ISG15: variants seen among roughly 807,000 people sequenced by gnomAD.
ISG15 encodes the protein ISG15 ubiquitin like modifier, also known as ubiquitin-like protein ISG15.
A neutral mutation model predicts 2.4 loss-of-function variants in ISG15; 2 were observed. The observed-to-expected ratio is 0.82, with a 90% confidence interval of 0.33 to 2.57. ISG15 has a LOEUF of 2.57. ISG15 is among the 30% of genes most tolerant of loss of function. The pLI is 0.11. For synonymous variants in ISG15, 116 were observed against 108.1 expected (o/e 1.07, Z -0.45); for missense variants, 224 against 228.4 (o/e 0.98, Z 0.13).
chr1:1,014,082 G>C lies in ISG15; in HGVS notation c.102G>C (p.Gln34His), dbSNP rs760267370. 6.2e-7 allele frequency: 1 copy of C among 1,613,226 alleles called. No individual in the cohort carries two copies. Among genetic ancestry groups the C allele is most frequent in the Non-Finnish European group, 8.5e-7 (1 of 1,179,700 alleles). Residue 34 changes from glutamine (Q) to histidine (H), a missense_variant, in exon 2 of 2, where the codon CAG becomes CAC. Gln to His is a conservative substitution (Grantham distance 24, BLOSUM62 0). Transcript: ENST00000649529. ...CAGAGCTGAAGGCGCAGATCACCCA[G>C]AAGATCGGCGTGCACGCCTTCCAGC... ...SVSELKAQIT[Q>H]KIGVHAFQQR...
In ISG15 at chr1:1,013,855, G is replaced by A. The variant is rs2465124; in HGVS notation, c.4-129G>A. The A allele has an allele frequency of 0.95, 1,230,817 of 1,297,970 alleles. 585,724 individuals carry two copies. The highest frequency in any genetic ancestry group is 1 in the East Asian group (42,671 of 42,676). The allele number at this position is 1,297,970 out of a possible 1,614,324, so 80.4% of individuals were successfully genotyped here. On this transcript the variant is annotated intron_variant, in intron 1 of 1. Transcript: ENST00000649529. ...CCTTCTGTGCCTGGGGTCCCTGCCG[G>A]CGGGATGTAGAGGACAGACAGGAGG...
chr1:1,014,274 A>G lies in ISG15; in HGVS notation c.294A>G (p.Val98=), dbSNP rs8997. The G allele has an allele frequency of 0.93, 1,501,704 of 1,613,596 alleles. 704,736 individuals carry two copies. The highest frequency in any genetic ancestry group is 0.95 in the Non-Finnish European group (1,124,933 of 1,179,996). Residue 98 remains valine (V), a synonymous_variant, in exon 2 of 2, where the codon GTA becomes GTG. Coordinates refer to ENST00000649529, the MANE Select transcript of ISG15 (RefSeq NM_005101.4). ...NNKGRSSTYE[V]RLTQTVAHLK... Reference sequence around the variant, plus strand: ...AGGGCCGCAGCAGCACCTACGAGGTACGGCTGACGCAGACCGTGGCCCACC... The same window carrying G: ...AGGGCCGCAGCAGCACCTACGAGGTGCGGCTGACGCAGACCGTGGCCCACC...
chr1:1,014,197 C>G lies in ISG15; in HGVS notation c.217C>G (p.Leu73Val). ...QGLGPGSTVL[L>V]VVDKCDEPLS... ...CCTGGGCCCCGGCAGCACGGTCCTGCTGGTGGTGGACAAATGCGACGAACC... is the reference window on the plus strand; with the variant it reads ...CCTGGGCCCCGGCAGCACGGTCCTGGTGGTGGTGGACAAATGCGACGAACC... Residue 73 changes from leucine (L) to valine (V), a missense_variant, in exon 2 of 2, where the codon CTG (leucine) becomes GTG (valine). Leu to Val is a conservative substitution (Grantham distance 32, BLOSUM62 1). Coordinates refer to ENST00000649529, the MANE Select transcript of ISG15 (RefSeq NM_005101.4). 6.2e-7 allele frequency: 1 copy of G among 1,613,496 alleles called. No homozygotes were observed. Among genetic ancestry groups the G allele is most frequent in the Non-Finnish European group, 8.5e-7 (1 of 1,179,954 alleles).
Position 1,014,290 on chromosome 1 carries a change from G to C in ISG15, c.310G>C (p.Val104Leu), listed in dbSNP as rs147776968. ...CTACGAGGTACGGCTGACGCAGACC[G>C]TGGCCCACCTGAAGCAGCAAGTGAG... ...STYEVRLTQT[V>L]AHLKQQVSGL... The change falls in exon 2 of 2, where the codon GTG becomes CTG. Residue 104 changes from valine (V) to leucine (L), a missense_variant. Transcript: ENST00000649529. 3 of 1,613,634 alleles carry C rather than the reference G, an allele frequency of 1.9e-6. No homozygotes were observed. The highest frequency in any genetic ancestry group is 2.5e-6 in the Non-Finnish European group (3 of 1,180,002).
chr1:1,014,096 A>T lies in ISG15; in HGVS notation c.116A>T (p.His39Leu). Residue 39 changes from histidine to leucine, a missense_variant, in exon 2 of 2, where the codon CAC becomes CTC. By Grantham distance (99) the His-to-Leu change is moderately conservative. Coordinates refer to ENST00000649529, the MANE Select transcript of ISG15 (RefSeq NM_005101.4). ...KAQITQKIGV[H>L]AFQQRLAVHP... ...CAGATCACCCAGAAGATCGGCGTGCACGCCTTCCAGCAGCGTCTGGCTGTC... is the reference window on the plus strand; with the variant it reads ...CAGATCACCCAGAAGATCGGCGTGCTCGCCTTCCAGCAGCGTCTGGCTGTC... The T allele has an allele frequency of 6.2e-7, 1 of 1,613,224 alleles. No individual in the cohort carries two copies. Among genetic ancestry groups the T allele is most frequent in the Non-Finnish European group, 8.5e-7 (1 of 1,179,742 alleles).
rs773186874 is a variant in ISG15 at position 1,014,523 on chromosome 1, G to C, written c.*45G>C. ...AGCAGGATCAAGGGCCGGAAATAAAGGCTGTTGTAAAGAGAAATGGCCGCC... is the reference window on the plus strand; with the variant it reads ...AGCAGGATCAAGGGCCGGAAATAAACGCTGTTGTAAAGAGAAATGGCCGCC... On this transcript the variant is annotated 3_prime_UTR_variant, in exon 2 of 2. Coordinates refer to ENST00000649529, the MANE Select transcript of ISG15 (RefSeq NM_005101.4). 6.4e-7 allele frequency: 1 copy of C among 1,550,482 alleles called. No homozygotes were observed. The highest frequency in any genetic ancestry group is 1.9e-5 in the Admixed American group (1 of 53,652).
rs1049305310 is a variant in ISG15 at position 1,013,569 on chromosome 1, C to T, written c.-5C>T. On this transcript the variant is annotated 5_prime_UTR_variant, in exon 1 of 2. Transcript: ENST00000649529. ...GCCGTGGCCCACAGCCCACAGCCCACAGCCATGGTAAGGCAGATGTCACAG... is the reference window on the plus strand; with the variant it reads ...GCCGTGGCCCACAGCCCACAGCCCATAGCCATGGTAAGGCAGATGTCACAG... 8 of 1,613,350 alleles carry T rather than the reference C, an allele frequency of 5.0e-6. No individual in the cohort carries two copies. Among genetic ancestry groups the T allele is most frequent in the South Asian group, 1.1e-5 (1 of 91,074 alleles).
Position 1,014,221 on chromosome 1 carries a change from C to T in ISG15, c.241C>T (p.Pro81Ser). The change falls in exon 2 of 2, where the codon CCT (proline) becomes TCT (serine). Residue 81 changes from proline to serine, a missense_variant. Coordinates refer to ENST00000649529, the MANE Select transcript of ISG15 (RefSeq NM_005101.4). ...VLLVVDKCDE[P>S]LSILVRNNKG... The stretch of plus-strand genomic sequence containing the variant: ...GCTGGTGGTGGACAAATGCGACGAA[C>T]CTCTGAGCATCCTGGTGAGGAATAA... The T allele has an allele frequency of 6.2e-7, 1 of 1,613,604 alleles. No homozygotes were observed. Among genetic ancestry groups the T allele is most frequent in the Non-Finnish European group, 8.5e-7 (1 of 1,179,988 alleles).
chr1:1,013,925 TTGTG>T, intron 1 of ISG15, 55 bp from the exon 2 acceptor site: 1 of 1,539,398 alleles, frequency 6.5e-7, no homozygotes, highest in South Asian at 1.2e-5. Flanking sequence ...AGCCAGTGCC[TTGTG>T]TGTGGTGGGC....
At position 1,014,343 on chromosome 1, in the gene ISG15, G is replaced by A. The variant is rs934874303; in HGVS notation, c.363G>A (p.Leu121=). 2 of 1,613,654 alleles carry A rather than the reference G, an allele frequency of 1.2e-6. No homozygotes were observed. Among genetic ancestry groups the A allele is most frequent in the East Asian group, 4.5e-5 (2 of 44,888 alleles). The change falls in exon 2 of 2, where the codon CTG becomes CTA. Residue 121 remains leucine, a synonymous_variant. Transcript: ENST00000649529. The part of the protein sequence containing the change: ...VSGLEGVQDD[L]FWLTFEGKPL... ...GGCTGGAGGGTGTGCAGGACGACCT[G>A]TTCTGGCTGACCTTCGAGGGGAAGC...
rs1002915990 is a variant in ISG15, at chr1:1,014,411, C to T, written c.431C>T (p.Pro144Leu). 5 of 1,612,918 alleles carry T rather than the reference C, an allele frequency of 3.1e-6. No homozygotes were observed. The African/African-American group carries it at 4.0e-5, about 13-fold the overall frequency. The change falls in exon 2 of 2, where the codon CCC becomes CTC. Residue 144 changes from proline to leucine, a missense_variant. Transcript: ENST00000649529. The stretch of plus-strand genomic sequence containing the variant: ...CCGCTGGGGGAGTACGGCCTCAAGC[C>T]CCTGAGCACCGTGTTCATGAATCTG... The part of the protein sequence containing the change: ...QLPLGEYGLK[P>L]LSTVFMNLRL...
rs147776968 is a variant in ISG15, at chr1:1,014,290, G to A, written c.310G>A (p.Val104Met). The A allele has an allele frequency of 6.6e-5, 107 of 1,613,516 alleles. No individual in the cohort carries two copies. Among genetic ancestry groups the A allele is most frequent in the Non-Finnish European group, 8.1e-5 (96 of 1,180,010 alleles). The change falls in exon 2 of 2, where the codon GTG becomes ATG. Residue 104 changes from valine to methionine, a missense_variant. By Grantham distance (21) the Val-to-Met change is conservative. Transcript: ENST00000649529. ...CTACGAGGTACGGCTGACGCAGACCGTGGCCCACCTGAAGCAGCAAGTGAG... is the reference window on the plus strand; with the variant it reads ...CTACGAGGTACGGCTGACGCAGACCATGGCCCACCTGAAGCAGCAAGTGAG... The part of the protein sequence containing the change: ...STYEVRLTQT[V>M]AHLKQQVSGL...
At position 1,014,276 on chromosome 1, in the gene ISG15, G is replaced by T; in HGVS notation, c.296G>T (p.Arg99Leu). 5 of 1,613,552 alleles carry T rather than the reference G, an allele frequency of 3.1e-6. No homozygotes were observed. Among genetic ancestry groups the T allele is most frequent in the Non-Finnish European group, 4.2e-6 (5 of 1,179,948 alleles). The change falls in exon 2 of 2, where the codon CGG becomes CTG. Residue 99 changes from arginine to leucine, a missense_variant. Physicochemically the swap from Arg to Leu is moderately radical, Grantham distance 102 (BLOSUM62 -2). Transcript: ENST00000649529. Reference protein sequence around the residue: ...NKGRSSTYEVRLTQTVAHLKQ... With the variant: ...NKGRSSTYEVLLTQTVAHLKQ... Reference sequence around the variant, plus strand: ...GGCCGCAGCAGCACCTACGAGGTACGGCTGACGCAGACCGTGGCCCACCTG... The same window carrying T: ...GGCCGCAGCAGCACCTACGAGGTACTGCTGACGCAGACCGTGGCCCACCTG...
At position 1,014,294 on chromosome 1, in the gene ISG15, C is replaced by T; in HGVS notation, c.314C>T (p.Ala105Val). 6.2e-7 allele frequency: 1 copy of T among 1,613,602 alleles called. No individual in the cohort carries two copies. The highest frequency in any genetic ancestry group is 8.5e-7 in the Non-Finnish European group (1 of 1,179,960). Residue 105 changes from alanine (A) to valine (V), a missense_variant, in exon 2 of 2, where the codon GCC becomes GTC. Physicochemically the swap from Ala to Val is moderately conservative, Grantham distance 64. Coordinates refer to ENST00000649529, the MANE Select transcript of ISG15 (RefSeq NM_005101.4). ...GAGGTACGGCTGACGCAGACCGTGG[C>T]CCACCTGAAGCAGCAAGTGAGCGGG... ...TYEVRLTQTV[A>V]HLKQQVSGLE...
rs1644253293 is a variant in ISG15 at position 1,014,535 on chromosome 1, G to A, written c.*57G>A. ...GGCCGGAAATAAAGGCTGTTGTAAA[G>A]AGAAATGGCCGCCTCTGTGTCTGTG... On this transcript the variant is annotated 3_prime_UTR_variant, in exon 2 of 2. Coordinates refer to ENST00000649529, the MANE Select transcript of ISG15 (RefSeq NM_005101.4). 1.3e-6 allele frequency: 2 copies of A among 1,534,024 alleles called. No homozygotes were observed. The highest frequency in any genetic ancestry group is 1.4e-5 in the African/African-American group (1 of 72,980).
chr1:1,014,303 A>G lies in ISG15; in HGVS notation c.323A>G (p.Lys108Arg), dbSNP rs777746339. 9 of 1,613,714 alleles carry G rather than the reference A, an allele frequency of 5.6e-6. No homozygotes were observed. The highest frequency in any genetic ancestry group is 1.7e-5 in the Admixed American group (1 of 60,038). The change falls in exon 2 of 2, where the codon AAG (lysine) becomes AGG (arginine). Residue 108 changes from lysine (K) to arginine (R), a missense_variant. Coordinates refer to ENST00000649529, the MANE Select transcript of ISG15 (RefSeq NM_005101.4). The part of the protein sequence containing the change: ...VRLTQTVAHL[K>R]QQVSGLEGVQ... ...CTGACGCAGACCGTGGCCCACCTGAAGCAGCAAGTGAGCGGGCTGGAGGGT... is the reference window on the plus strand; with the variant it reads ...CTGACGCAGACCGTGGCCCACCTGAGGCAGCAAGTGAGCGGGCTGGAGGGT...
At chr1:1,013,874 C>A in intron 1 of ISG15, 110 bp from the exon 2 acceptor site, 1 of 1,399,252 alleles carries the variant, frequency 7.1e-7, no homozygotes, top group Non-Finnish European at 9.6e-7. Flanking sequence ...AGAGGACAGA[C>A]AGGAGGGAGC....
At position 1,014,238 on chromosome 1, in the gene ISG15, G is replaced by A; in HGVS notation, c.258G>A (p.Val86=). The A allele has an allele frequency of 6.2e-7, 1 of 1,613,600 alleles. No homozygotes were observed. The highest frequency in any genetic ancestry group is 1.3e-5 in the African/African-American group (1 of 75,066). The change falls in exon 2 of 2, where the codon GTG becomes GTA. Residue 86 remains valine, a synonymous_variant. Coordinates refer to ENST00000649529, the MANE Select transcript of ISG15 (RefSeq NM_005101.4). ...GCGACGAACCTCTGAGCATCCTGGT[G>A]AGGAATAACAAGGGCCGCAGCAGCA... ...DKCDEPLSIL[V]RNNKGRSSTY...
At position 1,013,499 on chromosome 1, in the gene ISG15, C is replaced by A. The variant is rs957617588; in HGVS notation, c.-75C>A. The A allele has an allele frequency of 7.4e-6, 11 of 1,489,270 alleles. No individual in the cohort carries two copies. The highest frequency in any genetic ancestry group is 1.0e-5 in the Non-Finnish European group (11 of 1,066,546). 92.3% of individuals were successfully genotyped at this position (1,489,270 alleles called of 1,614,324 possible). On this transcript the variant is annotated 5_prime_UTR_variant, in exon 1 of 2. Coordinates refer to ENST00000649529, the MANE Select transcript of ISG15 (RefSeq NM_005101.4). ...GGCCGGTGCTGCCTGCCGAAGCCGG[C>A]GGCTGAGAGGCAGCGAACTCATCTT...
Sources: gnomAD v4.1 joint callset for allele counts on GRCh38, gnomAD v4.1.1 for gene constraint, MANE v1.5 for transcripts, NCBI Gene and HGNC (gene_info 2026-07-23, HGNC 2026-07-21) for gene names.